Variants in NDUFS4 observed in about 807,000 individuals in gnomAD.
NDUFS4 encodes NADH dehydrogenase [ubiquinone] iron-sulfur protein 4, mitochondrial.
A neutral mutation model predicts 24.3 loss-of-function variants in NDUFS4; 28 were observed. The ratio of observed to expected loss-of-function variants is 1.15; its 90% CI spans 0.85 to 1.58. The LOEUF (loss-of-function observed/expected upper bound fraction) is 1.58. NDUFS4 is among the 40% of genes most tolerant of loss of function. The pLI is 0.00. For synonymous variants in NDUFS4, 93 were observed against 69.7 expected, an observed-to-expected ratio of 1.34 and a Z score of -1.67; for missense variants, 223 against 207.9, an observed-to-expected ratio of 1.07 and a Z score of -0.45.
intron 1 of NDUFS4, among the ~76,000 whole-genome samples, chr5:53,562,503 A>G (rs1419447214): frequency 6.6e-6 from 1 of 152,232 alleles, no homozygotes; most frequent in East Asian, 1.9e-4. Context: ...AATTGTTACT[A>G]CATATCCAAA....
intron 2 of NDUFS4, among the ~76,000 whole-genome samples, chr5:53,645,220 A>G (rs1579913094): frequency 6.6e-6 from 1 of 152,098 alleles, no homozygotes; most frequent in East Asian, 1.9e-4. Flanking sequence ...CATATGGTTG[A>G]CCCCAATGTG....
At chr5:53,666,596 CAT>C (rs1561397208) in intron 4 of NDUFS4, among the ~76,000 whole-genome samples, 1 of 152,168 alleles carries the variant, frequency 6.6e-6, no homozygotes, top group African/African-American at 2.4e-5. Flanking sequence ...CAAAACCTGA[CAT>C]ATAATGGACA....
chr5:53,574,585 T>C (rs1311962265), intron 1 of NDUFS4, among the ~76,000 whole-genome samples: 1 of 152,230 alleles, frequency 6.6e-6, no homozygotes, highest in Non-Finnish European at 1.5e-5. Context: ...ACTCATAAAA[T>C]GAGCTGGGAA....
At chr5:53,592,137 G>T (rs528225008) in intron 1 of NDUFS4, among the ~76,000 whole-genome samples, 1 of 151,960 alleles carries the variant, frequency 6.6e-6, no homozygotes, top group East Asian at 1.9e-4. Context: ...ATGAGGGGGT[G>T]TGGCAGATTT....
chr5:53,604,964 G>C (rs999713128), intron 2 of NDUFS4: 3 of 436,968 alleles, frequency 6.9e-6, no homozygotes, highest in Non-Finnish European at 9.2e-6. Flanking sequence ...GCTCATGCCT[G>C]TAATCCCAGC....
At chr5:53,662,406 T>C (rs910124336) in intron 4 of NDUFS4, among the ~76,000 whole-genome samples, 2 of 152,228 alleles carry the variant, frequency 1.3e-5, no homozygotes, top group African/African-American at 4.8e-5. Flanking sequence ...CAGTATTTTA[T>C]TGAGGATTTT....
chr5:53,563,504 T>C (rs1330143588), intron 1 of NDUFS4, among the ~76,000 whole-genome samples: 1 of 107,086 alleles, frequency 9.3e-6, no homozygotes, highest in Non-Finnish European at 2.3e-5. Context: ...ATTGTCTACA[T>C]TTTTTTTTTT....
At chr5:53,624,661 A>G (rs13167989) in intron 2 of NDUFS4, among the ~76,000 whole-genome samples, 11,565 of 152,134 alleles carry the variant, frequency 0.076, 561 homozygotes, top group Middle Eastern at 0.11. Flanking sequence ...AACATAACTG[A>G]TTTTTGTATA....
At chr5:53,649,080 A>G (rs1269151073) in intron 3 of NDUFS4, among the ~76,000 whole-genome samples, 1 of 152,204 alleles carries the variant, frequency 6.6e-6, no homozygotes, top group Non-Finnish European at 1.5e-5. Context: ...TATATCAGAA[A>G]CAATAGGAAT....
At chr5:53,658,841 G>GAGCAA (rs1752242007) in intron 4 of NDUFS4, 2 of 481,390 alleles carry the variant, frequency 4.2e-6, no homozygotes, top group African/African-American at 2.1e-5. Flanking sequence ...GTAAAAGACA[G>GAGCAA]ACTGCTCTAA....
Position 53,584,670 on chromosome 5 carries a change from A to G in NDUFS4, c.99-18782A>G, listed in dbSNP as rs559446327. Among the ~76,000 whole-genome samples the G allele has an allele frequency of 2.6e-5, 4 of 152,258 alleles. No individual in the cohort carries two copies. In the South Asian group the frequency reaches 6.2e-4, roughly 24 times the overall value. On this transcript the variant is annotated intron_variant, in intron 1 of 4. Transcript: ENST00000296684. ...TGAGTTTTTAAACATAGGTATGCCA[A>G]TTTGTAGTTAATAAGTATTAACTCT...
chr5:53,568,010 C>T (rs1208322729), intron 1 of NDUFS4, among the ~76,000 whole-genome samples: 1 of 152,080 alleles, frequency 6.6e-6, no homozygotes, highest in Non-Finnish European at 1.5e-5. Flanking sequence ...TTCATCTAAA[C>T]ATATGAATAA....
intron 2 of NDUFS4, among the ~76,000 whole-genome samples, chr5:53,608,421 G>A (rs906813208): frequency 3.9e-5 from 6 of 152,148 alleles, no homozygotes; most frequent in African/African-American, 9.7e-5. Flanking sequence ...TTTCTCTGTA[G>A]CATGTGACAC....
intron 2 of NDUFS4, among the ~76,000 whole-genome samples, chr5:53,611,286 A>T (rs1750688314): frequency 6.6e-6 from 1 of 151,858 alleles, no homozygotes; most frequent in Admixed American, 6.6e-5. Context: ...GTAGAAAGGA[A>T]AAGTCTGCTT....
intron 2 of NDUFS4, chr5:53,604,744 T>C (rs1418618205): frequency 2.2e-6 from 1 of 456,272 alleles, no homozygotes. Context: ...TACCACTGTG[T>C]TTTACATTCT....
chr5:53,600,868 T>G (rs1432295951), intron 1 of NDUFS4, among the ~76,000 whole-genome samples: 1 of 152,186 alleles, frequency 6.6e-6, no homozygotes, highest in Admixed American at 6.5e-5. Flanking sequence ...TAACCTATCT[T>G]AAATTTTTTT....
intron 3 of NDUFS4, among the ~76,000 whole-genome samples, chr5:53,653,160 GT>G (rs35301238): frequency 1.5e-4 from 22 of 151,590 alleles, no homozygotes; most frequent in South Asian, 4.2e-4. Flanking sequence ...TTTTAAAAAT[GT>G]TTTTTTTGTT....
At chr5:53,615,322 T>C (rs1750809337) in intron 2 of NDUFS4, among the ~76,000 whole-genome samples, 2 of 152,088 alleles carry the variant, frequency 1.3e-5, no homozygotes, top group East Asian at 1.9e-4. Flanking sequence ...GGTAAAGAAA[T>C]AGAAGTAGTA....
At chr5:53,633,233 A>G (rs1264224349) in intron 2 of NDUFS4, among the ~76,000 whole-genome samples, 3 of 152,202 alleles carry the variant, frequency 2.0e-5, no homozygotes, top group East Asian at 1.9e-4. Flanking sequence ...ATTTCTAATG[A>G]TAGTGTTCAA....
Sources: gnomAD v4.1 joint callset for allele counts (sites outside exome capture counted in the v4.1 genomes callset) on GRCh38, gnomAD v4.1.1 for gene constraint, MANE v1.5 for transcripts, NCBI Gene and HGNC (gene_info 2026-07-23, HGNC 2026-07-21) for gene names.